DGLUCY: variants seen among roughly 807,000 people sequenced by gnomAD.
The protein encoded by DGLUCY is D-glutamate cyclase.
In DGLUCY, 58 loss-of-function variants were observed where a neutral mutation model predicts 58.5. That is an observed-to-expected ratio of 0.99 (90% confidence interval 0.80 to 1.23). The LOEUF is 1.23. Among genes scored for constraint, DGLUCY ranks in the 50% most tolerant of loss-of-function variants. The pLI, the probability that DGLUCY is intolerant of heterozygous loss-of-function variation, is 0.00. For synonymous variants in DGLUCY, 325 were observed against 314.1 expected, an observed-to-expected ratio of 1.03 and a Z score of -0.37; for missense variants, 779 against 784.7, an observed-to-expected ratio of 0.99 and a Z score of 0.09.
At chr14:91,060,612 T>TC in exon 1 of DGLUCY, 6 of 861,710 alleles carry the variant, frequency 7.0e-6, no homozygotes, top group Non-Finnish European at 9.2e-6. Flanking sequence ...CCTCGCCTCC[T>TC]CCCCCTTCGG....
At chr14:91,117,881 A>T (rs1426745351) in intron 1 of DGLUCY, among the ~76,000 whole-genome samples, 1 of 152,212 alleles carries the variant, frequency 6.6e-6, no homozygotes, top group East Asian at 1.9e-4. Flanking sequence ...TATTCAGGTC[A>T]TAGGTAGATT....
At chr14:91,102,199 G>C (rs1271956322) in intron 1 of DGLUCY, among the ~76,000 whole-genome samples, 1 of 152,012 alleles carries the variant, frequency 6.6e-6, no homozygotes, top group East Asian at 1.9e-4. Flanking sequence ...AGTGAATATA[G>C]TTTTAAAAAA....
intron 1 of DGLUCY, among the ~76,000 whole-genome samples, chr14:91,084,998 T>C (rs1477858705): frequency 6.6e-6 from 1 of 151,952 alleles, no homozygotes; most frequent in Non-Finnish European, 1.5e-5. Flanking sequence ...AAAACAGTAA[T>C]ACAGTCTGAG....
chr14:91,194,391 G>T (rs1394055387), intron 9 of DGLUCY, among the ~76,000 whole-genome samples: 1 of 152,024 alleles, frequency 6.6e-6, no homozygotes, highest in Non-Finnish European at 1.5e-5. Flanking sequence ...CCTTTGTTGT[G>T]ACTGTCCCCC....
intron 1 of DGLUCY, among the ~76,000 whole-genome samples, chr14:91,073,790 C>T (rs1304441094): frequency 6.6e-6 from 1 of 152,112 alleles, no homozygotes; most frequent in Admixed American, 6.6e-5. Context: ...ACCTGCAAGG[C>T]AGAAGGATCA....
chr14:91,211,014 T>C (rs905357046), intron 12 of DGLUCY, among the ~76,000 whole-genome samples: 2 of 152,198 alleles, frequency 1.3e-5, no homozygotes, highest in Admixed American at 1.3e-4. Flanking sequence ...TATAGTATGG[T>C]TGCAAGATAC....
intron 12 of DGLUCY, among the ~76,000 whole-genome samples, chr14:91,211,004 TA>T (rs1885597952): frequency 2.0e-5 from 3 of 152,344 alleles, no homozygotes; most frequent in African/African-American, 7.2e-5. Context: ...AATAAGTGAT[TA>T]TAGTATGGTT....
chr14:91,077,624 C>T (rs540719958), intron 1 of DGLUCY, among the ~76,000 whole-genome samples: 4 of 151,212 alleles, frequency 2.6e-5, no homozygotes, highest in African/African-American at 7.3e-5. Flanking sequence ...TAGTGGCATG[C>T]GCCTGTAGTC....
At chr14:91,208,542 A>T (rs902513474) in intron 12 of DGLUCY, among the ~76,000 whole-genome samples, 17 of 152,106 alleles carry the variant, frequency 1.1e-4, no homozygotes, top group African/African-American at 4.1e-4. Flanking sequence ...TGAGCCTAGG[A>T]ATTTGATACC....
rs556087045 is a variant in DGLUCY, at chr14:91,201,126, T to C, written c.1444+1221T>C. ...GGAGGGTGTATTGTCACAAAGTCAA[T>C]TGATCAGTTAGGGTAGGGCAGGAAC... On this transcript the variant is annotated intron_variant, in intron 11 of 13. Transcript: ENST00000256324. Among the ~76,000 whole-genome samples the C allele has an allele frequency of 5.9e-5, 9 of 152,166 alleles. No individual in the cohort carries two copies. The South Asian group carries it at 1.5e-3, about 25-fold the overall frequency.
intron 1 of DGLUCY, among the ~76,000 whole-genome samples, chr14:91,136,893 C>T (rs538315602): frequency 6.3e-4 from 96 of 151,864 alleles, no homozygotes; most frequent in African/African-American, 2.1e-3. Context: ...TGCTTGAACC[C>T]GGGAGGTGGA....
intron 5 of DGLUCY, among the ~76,000 whole-genome samples, chr14:91,172,741 G>T (rs1051494636): frequency 6.6e-6 from 1 of 151,960 alleles, no homozygotes; most frequent in African/African-American, 2.4e-5. Flanking sequence ...CCGCCTCCTG[G>T]GTTCAAGCCG....
chr14:91,151,469 A>G (rs919559504), intron 1 of DGLUCY, among the ~76,000 whole-genome samples: 1 of 151,870 alleles, frequency 6.6e-6, no homozygotes, highest in Non-Finnish European at 1.5e-5. Context: ...TCTCGTCTCG[A>G]TCTCCTGACC....
At chr14:91,096,161 G>A (rs886626856) in intron 1 of DGLUCY, among the ~76,000 whole-genome samples, 3 of 152,090 alleles carry the variant, frequency 2.0e-5, no homozygotes, top group South Asian at 2.1e-4. Context: ...GGCTGGGCGC[G>A]GTGGCACTTT....
chr14:91,183,069 G>A (rs2049285792), intron 8 of DGLUCY, among the ~76,000 whole-genome samples: 1 of 151,732 alleles, frequency 6.6e-6, no homozygotes, highest in East Asian at 1.9e-4. Context: ...TTGGCTCACT[G>A]TAACCTCCAC....
intron 1 of DGLUCY, among the ~76,000 whole-genome samples, chr14:91,119,445 A>G (rs1246445230): frequency 6.6e-6 from 1 of 152,134 alleles, no homozygotes; most frequent in Non-Finnish European, 1.5e-5. Context: ...CTTTGGTACC[A>G]CTGTGCTCCC....
intron 1 of DGLUCY, among the ~76,000 whole-genome samples, chr14:91,098,034 G>A (rs1219714234): frequency 2.0e-5 from 3 of 152,230 alleles, no homozygotes; most frequent in Non-Finnish European, 4.4e-5. Flanking sequence ...ATGCCAAGCT[G>A]TTAGCCTGAT....
At chr14:91,202,011 C>T (rs1595906574) in intron 11 of DGLUCY, among the ~76,000 whole-genome samples, 1 of 149,550 alleles carries the variant, frequency 6.7e-6, no homozygotes, top group South Asian at 2.1e-4. Flanking sequence ...GCCAAGATCG[C>T]GCCACTGCAC....
intron 1 of DGLUCY, among the ~76,000 whole-genome samples, chr14:91,085,012 A>G (rs999710205): frequency 7.9e-5 from 12 of 152,114 alleles, no homozygotes; most frequent in South Asian, 2.1e-4. Context: ...GTCTGAGTCC[A>G]GGAGTTCAAG....
Sources: allele counts gnomAD v4.1 joint callset (sites outside exome capture counted in the v4.1 genomes callset), GRCh38; gene constraint gnomAD v4.1.1; transcripts MANE v1.5; gene names NCBI Gene and HGNC (gene_info 2026-07-23, HGNC 2026-07-21).